The following DPH1 variants were observed in gnomAD, a reference collection of about 807,000 sequenced individuals.
DPH1 encodes the protein diphthamide biosynthesis 1, also known as 2-(3-amino-3-carboxypropyl)histidine synthase subunit 1.
Under a neutral mutation model 55.3 loss-of-function variants are expected in DPH1, and 59 were observed. That is an observed-to-expected ratio of 1.07 (90% CI 0.87 to 1.33). The LOEUF (loss-of-function observed/expected upper bound fraction) is 1.33, where lower values mean the gene tolerates loss of function less well. Among genes scored for constraint, DPH1 ranks in the 40% most tolerant of loss-of-function variants. The pLI is 0.00. For synonymous variants in DPH1, 238 were observed against 235.5 expected, an observed-to-expected ratio of 1.01 and a Z score of -0.10; for missense variants, 628 against 584.8, an observed-to-expected ratio of 1.07 and a Z score of -0.76.
At position 2,042,631 on chromosome 17, in the gene DPH1, C is replaced by T. The variant is rs763515350; in HGVS notation, c.*45C>T. ...GTCCTGCCCTCCGGAGGAGCAGCCT[C>T]GAGGCTGGTGGTTTTCAGAGCAGGA... On this transcript the variant is annotated 3_prime_UTR_variant, in exon 13 of 13. Coordinates refer to ENST00000263083, the MANE Select transcript of DPH1 (RefSeq NM_001383.6). 2 of 1,519,816 alleles carry T rather than the reference C, an allele frequency of 1.3e-6. No individual in the cohort carries two copies. The highest frequency in any genetic ancestry group is 2.8e-5 in the African/African-American group (2 of 71,668). The allele number at this position is 1,519,816 out of a possible 1,614,324, so 94.1% of individuals were successfully genotyped here.
intron 6 of DPH1, among the ~76,000 whole-genome samples, chr17:2,037,453 G>A (rs913822535): frequency 6.6e-5 from 10 of 152,096 alleles, no homozygotes; most frequent in Non-Finnish European, 4.4e-5. Flanking sequence ...AGGGAGGGTC[G>A]CTCCCTGACT....
At chr17:2,042,115 G>A (rs1006335647) in intron 12 of DPH1, 3 of 1,566,612 alleles carry the variant, frequency 1.9e-6, no homozygotes, top group Non-Finnish European at 2.6e-6. Context: ...CGGGGCTTCC[G>A]TGAGAAGACC....
rs948891689 is a variant in DPH1 at position 2,039,771 on chromosome 17, C to T, written c.697C>T (p.Arg233Cys). The change falls in exon 7 of 13, where the codon CGC becomes TGC. Residue 233 changes from arginine (R) to cysteine (C), a missense_variant. Physicochemically the swap from Arg to Cys is radical, Grantham distance 180. Transcript: ENST00000263083. ...VEAVVYLGDGRFHLESVMIAN... is the reference protein window; with the variant it reads ...VEAVVYLGDGCFHLESVMIAN... ...CCCCTGCAGGTATCTTGGAGATGGC[C>T]GCTTCCATCTGGAGTCTGTCATGAT... is the stretch of plus-strand genomic sequence containing the variant. 9.3e-6 allele frequency: 15 copies of T among 1,614,138 alleles called. No homozygotes were observed. The highest frequency in any genetic ancestry group is 4.5e-5 in the East Asian group (2 of 44,884).
In DPH1 at chr17:2,043,527, G is replaced by A. The variant is rs2067584019; in HGVS notation, c.*941G>A. On this transcript the variant is annotated 3_prime_UTR_variant, in exon 13 of 13. Transcript: ENST00000263083. ...TTTCTGGGCAGCGCCAAGCAGGGAG[G>A]TGTCTCCAGTTGTGAGTCCTCGGAC... The A allele has an allele frequency of 5.6e-6, 1 of 178,948 alleles. No individual in the cohort carries two copies. Among genetic ancestry groups the A allele is most frequent in the African/African-American group, 2.4e-5 (1 of 41,992 alleles). 11.1% of individuals were successfully genotyped at this position (178,948 alleles called of 1,614,324 possible).
rs1243908833 is a variant in DPH1, at chr17:2,043,094, T to C, written c.*508T>C. 30 of 1,613,256 alleles carry C rather than the reference T, an allele frequency of 1.9e-5. No individual in the cohort carries two copies. The highest frequency in any genetic ancestry group is 2.5e-5 in the Non-Finnish European group (29 of 1,179,674). On this transcript the variant is annotated 3_prime_UTR_variant, in exon 13 of 13. Coordinates refer to ENST00000263083, the MANE Select transcript of DPH1 (RefSeq NM_001383.6). Reference sequence around the variant, plus strand: ...GCCTACCTCAAGTTCTTGGACCAGTTTGCAGAGTGAAAGATCAAGAAATGT... The same window carrying C: ...GCCTACCTCAAGTTCTTGGACCAGTCTGCAGAGTGAAAGATCAAGAAATGT...
At position 2,033,667 on chromosome 17, in the gene DPH1, T is replaced by C; in HGVS notation, c.214+10T>C. On this transcript the variant is annotated intron_variant, in intron 2 of 12. Transcript: ENST00000263083. ...GCCCAGGCCAAGAAGGGTGAGCCTG[T>C]GATCATTGAGCTGGGGTTGGGGTGG... 1 of 1,613,864 alleles carries C rather than the reference T, an allele frequency of 6.2e-7. No individual in the cohort carries two copies. The highest frequency in any genetic ancestry group is 1.1e-5 in the South Asian group (1 of 91,080).
chr17:2,037,491 T>G (rs1032998165), intron 6 of DPH1, among the ~76,000 whole-genome samples: 1 of 152,114 alleles, frequency 6.6e-6, no homozygotes, highest in African/African-American at 2.4e-5. Flanking sequence ...CTTTGGAGGC[T>G]GTTTCCACAG....
intron 6 of DPH1, among the ~76,000 whole-genome samples, chr17:2,037,488 G>A (rs1258860385): frequency 2.6e-5 from 4 of 152,164 alleles, no homozygotes; most frequent in African/African-American, 4.8e-5. Context: ...GGGCTTTGGA[G>A]GCTGTTTCCA....
At chr17:2,035,664 TG>T (rs1332798507) in intron 3 of DPH1, among the ~76,000 whole-genome samples, 2 of 152,018 alleles carry the variant, frequency 1.3e-5, no homozygotes, top group South Asian at 2.1e-4. Flanking sequence ...AGTCAGGGCA[TG>T]GGGCGTCTGT....
chr17:2,036,169 G>A lies in DPH1; in HGVS notation c.400+78G>A. 6.4e-7 allele frequency: 1 copy of A among 1,571,568 alleles called. No individual in the cohort carries two copies. Among genetic ancestry groups the A allele is most frequent in the Non-Finnish European group, 8.6e-7 (1 of 1,158,630 alleles). ...CTGCACATTCATCTTCCCCATGGCAGTGCCTTCTTGTCCTGCTTGGAGACA... is the reference window on the plus strand; with the variant it reads ...CTGCACATTCATCTTCCCCATGGCAATGCCTTCTTGTCCTGCTTGGAGACA... On this transcript the variant is annotated intron_variant, in intron 4 of 12. Transcript: ENST00000263083. The surrounding 1 kb of genome is among the most constrained non-coding windows in gnomAD (Gnocchi z 4.8).
rs2151356363 is a variant in DPH1, at chr17:2,041,583, C to G, written c.1189C>G (p.Arg397Gly). The G allele has an allele frequency of 1.2e-6, 2 of 1,609,970 alleles. No homozygotes were observed. The highest frequency in any genetic ancestry group is 1.7e-6 in the Non-Finnish European group (2 of 1,178,502). Reference protein sequence around the residue: ...GPWTVNHGQDRRPHAPGRPAR... With the variant: ...GPWTVNHGQDGRPHAPGRPAR... ...CTGGACGGTGAACCACGGCCAGGAC[C>G]GCCGTCCCCACGCCCCGGGCCGGCC... is the stretch of plus-strand genomic sequence containing the variant. Residue 397 changes from arginine (R) to glycine (G), a missense_variant, in exon 11 of 13, where the codon CGC becomes GGC. Physicochemically the swap from Arg to Gly is moderately radical, Grantham distance 125. Coordinates refer to ENST00000263083, the MANE Select transcript of DPH1 (RefSeq NM_001383.6).
At position 2,036,804 on chromosome 17, in the gene DPH1, G is replaced by A. The variant is rs746161193; in HGVS notation, c.559-31G>A. 1.6e-5 allele frequency: 26 copies of A among 1,610,650 alleles called. No homozygotes were observed. The highest frequency in any genetic ancestry group is 2.0e-5 in the Non-Finnish European group (23 of 1,178,488). ...CAGCCCTGGCTCTCCTGCCCCAGCC[G>A]CTGGCTTCACTTCCCTCGTCATTCC... On this transcript the variant is annotated intron_variant, in intron 5 of 12. Transcript: ENST00000263083. This position sits in a 1 kb window ranked among gnomAD's most constrained non-coding sequence, Gnocchi z 4.8.
intron 12 of DPH1, chr17:2,042,103 A>C: frequency 3.8e-6 from 6 of 1,569,222 alleles, no homozygotes; most frequent in Non-Finnish European, 5.1e-6. Flanking sequence ...CGGCAGAGCG[A>C]GCGGGGCTTC....
At chr17:2,037,772 GCTA>G (rs1478544291) in intron 6 of DPH1, among the ~76,000 whole-genome samples, 2 of 152,226 alleles carry the variant, frequency 1.3e-5, no homozygotes, top group African/African-American at 4.8e-5. Context: ...GGGCTGGGAA[GCTA>G]CTGTCAGGGA....
chr17:2,042,405 A>G (rs984125374), intron 12 of DPH1, 200 bp from the exon 13 acceptor site: 15 of 1,255,038 alleles, frequency 1.2e-5, no homozygotes, highest in Non-Finnish European at 1.6e-5. Context: ...CTGTCCTCCC[A>G]GGCTTCCGCC....
intron 1 of DPH1, among the ~76,000 whole-genome samples, chr17:2,031,164 T>C (rs574688846): frequency 3.9e-4 from 60 of 152,292 alleles, no homozygotes; most frequent in African/African-American, 1.3e-3. Flanking sequence ...CTTACACCTT[T>C]AGTCTGAGCA....
intron 1 of DPH1, among the ~76,000 whole-genome samples, 200 bp downstream of exon 1, chr17:2,030,430 C>T (rs2067315609): frequency 6.6e-6 from 1 of 152,222 alleles, no homozygotes; most frequent in African/African-American, 2.4e-5. Flanking sequence ...AGCTTTAGGG[C>T]ACGACCGAGA....
chr17:2,037,069 G>T (rs2067438431), intron 6 of DPH1, 113 bp downstream of exon 6: 3 of 1,450,322 alleles, frequency 2.1e-6, no homozygotes, highest in Non-Finnish European at 2.8e-6. Context: ...TTACCTGTGA[G>T]CCCGAGGTCA....
At chr17:2,041,050 G>T (rs1402814587) in intron 9 of DPH1, 53 bp from the exon 10 acceptor site, 7 of 1,540,956 alleles carry the variant, frequency 4.5e-6, no homozygotes, top group Non-Finnish European at 6.2e-6. Context: ...TCAGCATGCT[G>T]CCTGGGCGAC....
Sources: allele counts gnomAD v4.1 joint callset (sites outside exome capture counted in the v4.1 genomes callset), GRCh38; gene constraint gnomAD v4.1.1; non-coding constraint Gnocchi (gnomAD v3.1); transcripts MANE v1.5; gene names NCBI Gene and HGNC (gene_info 2026-07-23, HGNC 2026-07-21).